SLC7A2: variants seen among roughly 807,000 people sequenced by gnomAD.
The protein encoded by SLC7A2 is cationic amino acid transporter 2.
In SLC7A2, 48 loss-of-function variants were observed where a neutral mutation model predicts 58.9. The ratio of observed to expected loss-of-function variants is 0.82; its 90% CI spans 0.65 to 1.04. The LOEUF (loss-of-function observed/expected upper bound fraction) is 1.04, where lower values mean the gene tolerates loss of function less well. SLC7A2 is among the 50% of genes least tolerant of loss of function. The pLI is 0.00. For synonymous variants in SLC7A2, 363 were observed against 314.5 expected (o/e 1.15, Z -1.63); for missense variants, 1,029 against 818.8 (o/e 1.26, Z -3.13).
upstream of SLC7A2, among the ~76,000 whole-genome samples, chr8:17,496,153 C>CCT (rs1799952271): frequency 6.6e-6 from 1 of 152,148 alleles, no homozygotes; most frequent in African/African-American, 2.4e-5. Context: ...ATAGGCCGGG[C>CCT]ATGGTGGCTC....
At chr8:17,517,482 G>A (rs572696675) in intron 2 of SLC7A2, among the ~76,000 whole-genome samples, 6 of 152,260 alleles carry the variant, frequency 3.9e-5, no homozygotes, top group African/African-American at 1.2e-4. Flanking sequence ...GGTGAAGGCC[G>A]TGAAAATCTT....
At chr8:17,560,271 T>A in intron 9 of SLC7A2, 57 bp from the exon 10 acceptor site, 1 of 1,382,802 alleles carries the variant, frequency 7.2e-7, no homozygotes, top group Non-Finnish European at 1.0e-6. Flanking sequence ...GGTGCTGGTT[T>A]CACTTGGGCC....
intron 10 of SLC7A2, 49 bp downstream of exon 10, chr8:17,560,582 G>C: frequency 5.5e-6 from 8 of 1,454,492 alleles, no homozygotes; most frequent in Non-Finnish European, 7.7e-6. Context: ...AGATGTGTGT[G>C]AGTAGAGCTG....
intron 2 of SLC7A2, among the ~76,000 whole-genome samples, chr8:17,504,746 A>T (rs1800297077): frequency 6.6e-6 from 1 of 152,262 alleles, no homozygotes; most frequent in South Asian, 2.1e-4. Context: ...CTGTTTGAGC[A>T]GTCTCTGAAA....
At chr8:17,560,006 C>T (rs537980453) in intron 9 of SLC7A2, among the ~76,000 whole-genome samples, 1 of 152,326 alleles carries the variant, frequency 6.6e-6, no homozygotes, top group South Asian at 2.1e-4. Flanking sequence ...TCATGAACCG[C>T]ATTTCCTTTG....
intron 2 of SLC7A2, among the ~76,000 whole-genome samples, chr8:17,530,525 T>C (rs1048972888): frequency 2.0e-5 from 3 of 151,538 alleles, no homozygotes; most frequent in Non-Finnish European, 4.4e-5. Flanking sequence ...GGCAAGTTGC[T>C]GAAGTTAGTT....
chr8:17,557,354 T>C (rs987603439), intron 8 of SLC7A2, among the ~76,000 whole-genome samples: 1 of 152,206 alleles, frequency 6.6e-6, no homozygotes, highest in African/African-American at 2.4e-5. Context: ...GCTATTTAAC[T>C]GTTTAAAGTA....
intron 2 of SLC7A2, among the ~76,000 whole-genome samples, chr8:17,535,270 T>G (rs1408390815): frequency 3.9e-5 from 6 of 152,028 alleles, no homozygotes; most frequent in East Asian, 3.9e-4. Flanking sequence ...CACCCTCTGC[T>G]TAGAACACTT....
chr8:17,526,642 G>A (rs1334819210), intron 2 of SLC7A2, among the ~76,000 whole-genome samples: 3 of 152,110 alleles, frequency 2.0e-5, no homozygotes, highest in Admixed American at 6.5e-5. Flanking sequence ...GAAAGAGGTA[G>A]TCACCTTTAT....
At chr8:17,497,576 C>G (rs560763423) in intron 1 of SLC7A2, among the ~76,000 whole-genome samples, 80 of 152,310 alleles carry the variant, frequency 5.3e-4, no homozygotes, top group African/African-American at 1.9e-3. Flanking sequence ...GGGGCTGGCA[C>G]GGCGACTTCG....
At chr8:17,548,898 G>C in intron 5 of SLC7A2, 55 bp downstream of exon 5, 1 of 1,439,064 alleles carries the variant, frequency 6.9e-7, no homozygotes, top group Non-Finnish European at 9.6e-7. Flanking sequence ...AATATTTTAA[G>C]TGGGTGTATT....
intron 2 of SLC7A2, among the ~76,000 whole-genome samples, chr8:17,506,513 G>A (rs1253434322): frequency 6.6e-5 from 10 of 152,270 alleles, no homozygotes; most frequent in Non-Finnish European, 1.5e-5. Flanking sequence ...CTCCCTCGCC[G>A]TGGACAGTTA....
Position 17,551,855 on chromosome 8 carries a change from A to C in SLC7A2, c.924A>C (p.Ala308=). 6.2e-7 allele frequency: 1 copy of C among 1,613,868 alleles called. No homozygotes were observed. Among genetic ancestry groups the C allele is most frequent in the South Asian group, 1.1e-5 (1 of 91,070 alleles). Residue 308 remains alanine (A), a synonymous_variant, in exon 7 of 13, where the codon GCA becomes GCC. Coordinates refer to ENST00000494857, the MANE Select transcript of SLC7A2 (RefSeq NM_001370338.1). Reference sequence around the variant, plus strand: ...TTATGGCCTATTTTGGGGTCTCTGCAGCTTTAACACTTATGATGCCGTACT... The same window carrying C: ...TTATGGCCTATTTTGGGGTCTCTGCCGCTTTAACACTTATGATGCCGTACT... ...VCFMAYFGVS[A]ALTLMMPYYL...
At chr8:17,514,554 A>G (rs755205822) in intron 2 of SLC7A2, among the ~76,000 whole-genome samples, 8 of 152,230 alleles carry the variant, frequency 5.3e-5, no homozygotes, top group Non-Finnish European at 1.0e-4. Flanking sequence ...GAATAACTTA[A>G]AAATGTAAGT....
chr8:17,564,979 A>G lies in SLC7A2; in HGVS notation c.1810A>G (p.Arg604Gly). Residue 604 changes from arginine (R) to glycine (G), a missense_variant, in exon 13 of 13, where the codon AGA becomes GGA. Coordinates refer to ENST00000494857, the MANE Select transcript of SLC7A2 (RefSeq NM_001370338.1). ...CCTGATTTACTTTTCTTATGGCATT[A>G]GACACAGCCTGGAGGGTCATCTGAG... ...GFLIYFSYGI[R>G]HSLEGHLRDE... 1 of 1,610,302 alleles carries G rather than the reference A, an allele frequency of 6.2e-7. No homozygotes were observed. Among genetic ancestry groups the G allele is most frequent in the Non-Finnish European group, 8.5e-7 (1 of 1,178,804 alleles).
At chr8:17,543,776 A>G in intron 3 of SLC7A2, 61 bp downstream of exon 3, 5 of 1,449,246 alleles carry the variant, frequency 3.5e-6, no homozygotes, top group Non-Finnish European at 4.6e-6. Flanking sequence ...CCTGAGTCAC[A>G]GCCCTTAGGT....
rs117668895 is a variant in SLC7A2, at chr8:17,519,461, C to T, written c.-23+17159C>T. On this transcript the variant is annotated intron_variant, in intron 2 of 12. Coordinates refer to ENST00000494857, the MANE Select transcript of SLC7A2 (RefSeq NM_001370338.1). ...CAACAGTGATGAGAATCTCTATCTT[C>T]GTCCATATTTCTGTCGCCATTTTCT... is the stretch of plus-strand genomic sequence containing the variant. 2.6e-4 allele frequency among the ~76,000 whole-genome samples: 39 copies of T among 152,250 alleles called. 1 individual carries two copies. The East Asian group carries it at 6.6e-3, about 26-fold the overall frequency.
chr8:17,551,674 C>T, intron 6 of SLC7A2, 90 bp from the exon 7 acceptor site: 1 of 940,222 alleles, frequency 1.1e-6, no homozygotes, highest in South Asian at 1.3e-5. Flanking sequence ...GAGAACTACC[C>T]TGGAGAAGAG....
rs1412811716 is a variant in SLC7A2, at chr8:17,566,413, C to A, written c.*1267C>A. ...TAAGGGCTTTGGATCTAATTTGCCT[C>A]TGATGTTTCCTTTGGAAACATTTAG... On this transcript the variant is annotated 3_prime_UTR_variant, in exon 13 of 13. Transcript: ENST00000494857. 6.6e-6 allele frequency: 1 copy of A among 152,146 alleles called. No homozygotes were observed. Among genetic ancestry groups the A allele is most frequent in the Non-Finnish European group, 1.5e-5 (1 of 68,030 alleles). 9.4% of individuals were successfully genotyped at this position (152,146 alleles called of 1,614,324 possible). A position where few individuals can be genotyped will look rare whatever the true frequency, so the allele number is the denominator to read the frequency against.
Sources: allele counts gnomAD v4.1 joint callset (sites outside exome capture counted in the v4.1 genomes callset), GRCh38; gene constraint gnomAD v4.1.1; transcripts MANE v1.5; gene names NCBI Gene and HGNC (gene_info 2026-07-23, HGNC 2026-07-21).